CACNA2D3: variants seen among roughly 807,000 people sequenced by gnomAD.
CACNA2D3 encodes the protein voltage-dependent calcium channel subunit alpha-2/delta-3.
CACNA2D3 carries 60 observed loss-of-function variants against 160.6 expected under a neutral mutation model. The ratio of observed to expected loss-of-function variants is 0.37; its 90% CI spans 0.30 to 0.46. The LOEUF (loss-of-function observed/expected upper bound fraction) is 0.46. Among genes scored for constraint, CACNA2D3 ranks in the 20% least tolerant of loss-of-function variants. The pLI, the probability that CACNA2D3 is intolerant of heterozygous loss-of-function variation, is 1.00. For missense variants in CACNA2D3, 1,205 were observed against 1,365.0 expected, an observed-to-expected ratio of 0.88 and a Z score of 1.85; for synonymous variants, 558 against 492.9, an observed-to-expected ratio of 1.13 and a Z score of -1.75.
At chr3:54,438,556 T>C (rs1700093708) in intron 4 of CACNA2D3, among the ~76,000 whole-genome samples, 1 of 152,220 alleles carries the variant, frequency 6.6e-6, no homozygotes, top group Non-Finnish European at 1.5e-5. Context: ...CACATTTCTT[T>C]GTTTAAAGGA....
intron 35 of CACNA2D3, among the ~76,000 whole-genome samples, chr3:55,071,360 T>G (rs527769755): frequency 9.9e-5 from 15 of 152,210 alleles, no homozygotes; most frequent in Non-Finnish European, 2.2e-4. Context: ...AGGCTTATAC[T>G]GGCAGTCATG....
Position 54,503,602 on chromosome 3 carries a change from T to C in CACNA2D3, c.492T>C (p.Pro164=). 1 of 1,613,886 alleles carries C rather than the reference T, an allele frequency of 6.2e-7. No individual in the cohort carries two copies. Among genetic ancestry groups the C allele is most frequent in the South Asian group, 1.1e-5 (1 of 91,086 alleles). The change falls in exon 5 of 38, where the codon CCT becomes CCC. Residue 164 remains proline, a synonymous_variant. Transcript: ENST00000474759. ...CAAATGACCATTTTAATAATTTGCC[T>C]GTGAACATCAGTCTAAGTGACGTCC... ...LAPNDHFNNL[P]VNISLSDVQV...
intron 27 of CACNA2D3, among the ~76,000 whole-genome samples, chr3:54,919,959 C>A (rs1700788541): frequency 6.6e-6 from 1 of 152,136 alleles, no homozygotes; most frequent in Non-Finnish European, 1.5e-5. Flanking sequence ...GAGGAGTGGG[C>A]AGGATGGCCC....
At chr3:54,827,800 G>A (rs1005434796) in intron 14 of CACNA2D3, among the ~76,000 whole-genome samples, 12 of 152,250 alleles carry the variant, frequency 7.9e-5, no homozygotes, top group African/African-American at 2.2e-4. Flanking sequence ...TAAATTAAAC[G>A]ATAGTGTTGG....
intron 33 of CACNA2D3, among the ~76,000 whole-genome samples, 181 bp downstream of exon 33, chr3:55,008,023 A>G (rs1425689113): frequency 6.6e-6 from 1 of 152,218 alleles, no homozygotes; most frequent in East Asian, 1.9e-4. Context: ...TCTTCTATTA[A>G]GTGACTGTTG....
intron 27 of CACNA2D3, among the ~76,000 whole-genome samples, chr3:54,917,182 A>G (rs917204745): frequency 1.3e-5 from 2 of 152,230 alleles, no homozygotes; most frequent in Non-Finnish European, 2.9e-5. Flanking sequence ...TCTGGAGCCA[A>G]TTATTTCTAT....
intron 4 of CACNA2D3, among the ~76,000 whole-genome samples, chr3:54,466,153 C>A (rs768556045): frequency 6.6e-6 from 1 of 152,108 alleles, no homozygotes; most frequent in Non-Finnish European, 1.5e-5. Context: ...TCAACTGACT[C>A]AAGACTTTAA....
At chr3:55,059,051 A>G (rs1704436039) in intron 35 of CACNA2D3, among the ~76,000 whole-genome samples, 1 of 152,232 alleles carries the variant, frequency 6.6e-6, no homozygotes, top group South Asian at 2.1e-4. Flanking sequence ...CCAACCTTTT[A>G]TAAAGTACTT....
At chr3:54,677,556 G>A (rs1700264664) in intron 11 of CACNA2D3, among the ~76,000 whole-genome samples, 1 of 149,150 alleles carries the variant, frequency 6.7e-6, no homozygotes, top group Non-Finnish European at 1.5e-5. Flanking sequence ...GTGAGTAGAT[G>A]AAAATTTGAT....
chr3:54,433,549 G>T (rs1343215013), intron 4 of CACNA2D3, among the ~76,000 whole-genome samples: 1 of 152,198 alleles, frequency 6.6e-6, no homozygotes, highest in African/African-American at 2.4e-5. Context: ...CAGCAAAGGA[G>T]TATCTCCATT....
At chr3:54,308,561 A>G (rs55890718) in intron 2 of CACNA2D3, among the ~76,000 whole-genome samples, 15,820 of 152,202 alleles carry the variant, frequency 0.1, 996 homozygotes, top group South Asian at 0.17. Flanking sequence ...TTCTTCATGG[A>G]TGGTTACATG....
chr3:54,152,178 G>T (rs1700164138), intron 2 of CACNA2D3, among the ~76,000 whole-genome samples: 1 of 152,192 alleles, frequency 6.6e-6, no homozygotes, highest in South Asian at 2.1e-4. Flanking sequence ...GAGACTGTCT[G>T]CTTCAGCTCT....
At chr3:54,609,501 G>C (rs893595113) in intron 9 of CACNA2D3, among the ~76,000 whole-genome samples, 1 of 152,162 alleles carries the variant, frequency 6.6e-6, no homozygotes, top group Non-Finnish European at 1.5e-5. Context: ...ATGTTTCTTA[G>C]AAAGAGCAAG....
chr3:54,447,589 G>A (rs868179554), intron 4 of CACNA2D3, among the ~76,000 whole-genome samples: 1 of 152,316 alleles, frequency 6.6e-6, no homozygotes, highest in Middle Eastern at 3.4e-3. Context: ...ATTCTTGTTG[G>A]CCTTGAATGA....
rs1287322360 is a variant in CACNA2D3, at chr3:54,798,781, AT to A, written c.1381-18069del. Reference sequence around the variant, plus strand: ...CGAGCAGCAGCCTGCAGAGGGGCACATTTCAGCACACAAGAGTTTTTCACTT... The same window carrying A: ...CGAGCAGCAGCCTGCAGAGGGGCACATTCAGCACACAAGAGTTTTTCACTT... On this transcript the variant is annotated intron_variant, in intron 13 of 37. Coordinates refer to ENST00000474759, the MANE Select transcript of CACNA2D3 (RefSeq NM_018398.3). Among the ~76,000 whole-genome samples, 8 of 152,286 alleles carry A rather than the reference AT, an allele frequency of 5.3e-5. No homozygotes were observed. In the East Asian group the frequency reaches 1.2e-3, roughly 22 times the overall value.
At chr3:54,980,972 C>T (rs1258353827) in intron 29 of CACNA2D3, among the ~76,000 whole-genome samples, 5 of 152,106 alleles carry the variant, frequency 3.3e-5, no homozygotes, top group African/African-American at 1.2e-4. Flanking sequence ...ATTTAAGCAC[C>T]TATTATTTTT....
intron 3 of CACNA2D3, among the ~76,000 whole-genome samples, chr3:54,354,255 A>G (rs565746634): frequency 6.6e-6 from 1 of 152,268 alleles, no homozygotes; most frequent in African/African-American, 2.4e-5. Context: ...ACCCTCACAC[A>G]GGGAATTAAG....
rs551040865 is a variant in CACNA2D3, at chr3:54,611,836, G to T, written c.964-15951G>T. 3.3e-5 allele frequency among the ~76,000 whole-genome samples: 5 copies of T among 152,266 alleles called. No homozygotes were observed. The South Asian group carries it at 1.0e-3, about 32-fold the overall frequency. On this transcript the variant is annotated intron_variant, in intron 9 of 37. Transcript: ENST00000474759. The stretch of plus-strand genomic sequence containing the variant: ...GTGCCTATTCCAGAATCGCATATTG[G>T]AGTTATGTGGCATTTTCTGTTTTAA...
chr3:54,910,003 A>G (rs760085214), intron 27 of CACNA2D3, among the ~76,000 whole-genome samples: 49 of 152,148 alleles, frequency 3.2e-4, no homozygotes, highest in Non-Finnish European at 5.1e-4. Flanking sequence ...GGAAAGGGAC[A>G]GTGCTGATCA....
Sources: gnomAD v4.1 joint callset for allele counts (sites outside exome capture counted in the v4.1 genomes callset) on GRCh38, gnomAD v4.1.1 for gene constraint, MANE v1.5 for transcripts, NCBI Gene and HGNC (gene_info 2026-07-23, HGNC 2026-07-21) for gene names.